Variants in SRGAP1 observed in about 807,000 individuals in gnomAD.
SRGAP1 encodes the protein SLIT-ROBO Rho GTPase-activating protein 1.
Under a neutral mutation model 121.9 loss-of-function variants are expected in SRGAP1, and 43 were observed. That is an observed-to-expected ratio of 0.35 (90% CI 0.28 to 0.46). SRGAP1 has a LOEUF of 0.46. SRGAP1 is among the 20% of genes least tolerant of loss of function. SRGAP1 has a pLI of 1.00. For synonymous variants in SRGAP1, 447 were observed against 485.4 expected (o/e 0.92, Z 1.04); for missense variants, 1,102 against 1,350.9 (o/e 0.82, Z 2.89).
intron 15 of SRGAP1, among the ~76,000 whole-genome samples, chr12:64,104,377 A>G (rs1443893031): frequency 6.6e-6 from 1 of 152,200 alleles, no homozygotes; most frequent in Non-Finnish European, 1.5e-5. Flanking sequence ...AATTGTGGAA[A>G]ACAAAGCCCA....
intron 19 of SRGAP1, among the ~76,000 whole-genome samples, chr12:64,127,363 A>T (rs776055275): frequency 6.6e-6 from 1 of 152,208 alleles, no homozygotes; most frequent in African/African-American, 2.4e-5. Flanking sequence ...ATGGGTGATT[A>T]TTTCAGTCTT....
chr12:63,948,529 C>T (rs186568537), intron 1 of SRGAP1, among the ~76,000 whole-genome samples: 24 of 152,230 alleles, frequency 1.6e-4, no homozygotes, highest in African/African-American at 5.8e-4. Context: ...AATATGGTCA[C>T]TTCTCCTATG....
chr12:64,107,153 AT>A (rs1235465390), intron 15 of SRGAP1, among the ~76,000 whole-genome samples: 1 of 152,216 alleles, frequency 6.6e-6, no homozygotes, highest in Non-Finnish European at 1.5e-5. Context: ...AATCAAGAAT[AT>A]TCCTAATAGA....
Position 64,150,007 on chromosome 12 carries a change from GC to G in SRGAP1, c.*7337del, listed in dbSNP as rs1448864110. 2 of 152,110 alleles carry G rather than the reference GC, an allele frequency of 1.3e-5. No individual in the cohort carries two copies. The highest frequency in any genetic ancestry group is 1.5e-5 in the Non-Finnish European group (1 of 68,026). The allele number at this position is 152,110 out of a possible 1,614,324, so 9.4% of individuals were successfully genotyped here. A position where few individuals can be genotyped will look rare whatever the true frequency, so the allele number is the denominator to read the frequency against. ...GGTGAGGTTCATCACCTCTTCAGTA[GC>G]CTTTTATCTGTTTCTACATAGTAAA... On this transcript the variant is annotated 3_prime_UTR_variant, in exon 22 of 22. Transcript: ENST00000355086.
rs559089951 is a variant in SRGAP1 at position 63,895,216 on chromosome 12, A to G, written c.67+50333A>G. On this transcript the variant is annotated intron_variant, in intron 1 of 21. Transcript: ENST00000355086. ...AGCTTAATATAAAATTTAGTGTTCA[A>G]CTGAAGACTAGAGCCTTCTTTGGCT... Among the ~76,000 whole-genome samples the G allele has an allele frequency of 3.9e-5, 6 of 152,290 alleles. No individual in the cohort carries two copies. In the East Asian group the frequency reaches 7.7e-4, roughly 20 times the overall value.
rs574464987 is a variant in SRGAP1, at chr12:64,031,133, CGTG to C, written c.490-11653_490-11651del. Reference sequence around the variant, plus strand: ...AGGAGTCCAAGACCAGCCTGGCCAACGTGGTGAAATCCTGTCTCTACTAAAAAT... The same window carrying C: ...AGGAGTCCAAGACCAGCCTGGCCAACGTGAAATCCTGTCTCTACTAAAAAT... On this transcript the variant is annotated intron_variant, in intron 4 of 21. Coordinates refer to ENST00000355086, the MANE Select transcript of SRGAP1 (RefSeq NM_020762.4). Among the ~76,000 whole-genome samples, 12 of 152,098 alleles carry C rather than the reference CGTG, an allele frequency of 7.9e-5. No homozygotes were observed. In the South Asian group the frequency reaches 2.3e-3, roughly 29 times the overall value.
At chr12:63,876,716 ATAAT>A (rs1460961150) in intron 1 of SRGAP1, among the ~76,000 whole-genome samples, 3 of 152,216 alleles carry the variant, frequency 2.0e-5, no homozygotes, top group African/African-American at 7.2e-5. Context: ...TGTGATTTAG[ATAAT>A]TTATTGTTTG....
At chr12:64,047,294 G>C (rs886663608) in intron 6 of SRGAP1, among the ~76,000 whole-genome samples, 2 of 152,088 alleles carry the variant, frequency 1.3e-5, no homozygotes, top group Non-Finnish European at 2.9e-5. Context: ...ATTCTAAAAT[G>C]GTTGCTTATT....
intron 18 of SRGAP1, among the ~76,000 whole-genome samples, chr12:64,119,130 G>A (rs925068637): frequency 6.6e-6 from 1 of 152,158 alleles, no homozygotes; most frequent in Non-Finnish European, 1.5e-5. Flanking sequence ...ATATGGATAT[G>A]TAATTGTCGC....
At chr12:64,062,701 G>A (rs779326765) in intron 6 of SRGAP1, among the ~76,000 whole-genome samples, 15 of 152,142 alleles carry the variant, frequency 9.9e-5, no homozygotes, top group Middle Eastern at 6.8e-3. Context: ...TATTTTAGTA[G>A]AGACGGGGGG....
Position 63,844,879 on chromosome 12 carries a change from C to A in SRGAP1, c.63C>A (p.Val21=), listed in dbSNP as rs1438485208. Reference sequence around the variant, plus strand: ...TCATAGCCGAGTATGAAAGTCAAGTCAAAGGTAAGGATGGGAGCGGCTGCC... The same window carrying A: ...TCATAGCCGAGTATGAAAGTCAAGTAAAAGGTAAGGATGGGAGCGGCTGCC... ...KEIIAEYESQ[V]KEIRAQLVEQ... The change falls in exon 1 of 22, where the codon GTC becomes GTA. Residue 21 remains valine (V), a synonymous_variant. Coordinates refer to ENST00000355086, the MANE Select transcript of SRGAP1 (RefSeq NM_020762.4). The surrounding 1 kb of genome is among the most constrained non-coding windows in gnomAD (Gnocchi z 4.3). 5.0e-6 allele frequency: 8 copies of A among 1,613,932 alleles called. No individual in the cohort carries two copies. The highest frequency in any genetic ancestry group is 6.8e-6 in the Non-Finnish European group (8 of 1,179,928).
intron 8 of SRGAP1, 109 bp downstream of exon 8, chr12:64,065,328 C>A: frequency 1.1e-6 from 1 of 922,348 alleles, no homozygotes; most frequent in Non-Finnish European, 1.7e-6. Flanking sequence ...ACCTCTTCAT[C>A]ACGTATTTCC....
chr12:64,004,397 G>C (rs2034010849), intron 3 of SRGAP1, among the ~76,000 whole-genome samples: 1 of 152,062 alleles, frequency 6.6e-6, no homozygotes, highest in Non-Finnish European at 1.5e-5. Context: ...ACTTGAGACA[G>C]AGTCTCACTC....
intron 1 of SRGAP1, among the ~76,000 whole-genome samples, chr12:63,885,119 C>G (rs1044374602): frequency 6.6e-6 from 1 of 152,060 alleles, no homozygotes; most frequent in Non-Finnish European, 1.5e-5. Context: ...CTACAACAAT[C>G]AACACAGAAG....
At chr12:64,019,414 A>G (rs2136469591) in intron 4 of SRGAP1, among the ~76,000 whole-genome samples, 1 of 152,344 alleles carries the variant, frequency 6.6e-6, no homozygotes, top group South Asian at 2.1e-4. Flanking sequence ...TTGAGGAATT[A>G]AGGGATAGGG....
At chr12:63,918,940 A>T (rs1325125783) in intron 1 of SRGAP1, among the ~76,000 whole-genome samples, 2 of 152,152 alleles carry the variant, frequency 1.3e-5, no homozygotes, top group Admixed American at 1.3e-4. Flanking sequence ...GTGTATGTAT[A>T]TATTCTTTGG....
chr12:63,882,055 T>C (rs1302672204), intron 1 of SRGAP1, among the ~76,000 whole-genome samples: 1 of 152,230 alleles, frequency 6.6e-6, no homozygotes, highest in African/African-American at 2.4e-5. Context: ...TGAATATAAT[T>C]AAGCAAATAT....
intron 1 of SRGAP1, among the ~76,000 whole-genome samples, chr12:63,978,462 C>T (rs1011989795): frequency 2.6e-5 from 4 of 152,116 alleles, no homozygotes; most frequent in Non-Finnish European, 5.9e-5. Flanking sequence ...AAATTATAGA[C>T]TGTGGTTTTT....
chr12:63,856,801 A>G (rs1899266886), intron 1 of SRGAP1, among the ~76,000 whole-genome samples: 2 of 152,312 alleles, frequency 1.3e-5, no homozygotes, highest in African/African-American at 4.8e-5. Flanking sequence ...AGTAAATTTT[A>G]GAATTAGTTG....
Sources: allele counts gnomAD v4.1 joint callset (sites outside exome capture counted in the v4.1 genomes callset), GRCh38; gene constraint gnomAD v4.1.1; non-coding constraint Gnocchi (gnomAD v3.1); transcripts MANE v1.5; gene names NCBI Gene and HGNC (gene_info 2026-07-23, HGNC 2026-07-21).